Variants in PDLIM5 observed in about 807,000 individuals in gnomAD.
The protein encoded by PDLIM5 is PDZ and LIM domain 5.
Under a neutral mutation model 64.2 loss-of-function variants are expected in PDLIM5, and 34 were observed. The ratio of observed to expected loss-of-function variants is 0.53; its 90% CI spans 0.40 to 0.71. The LOEUF (loss-of-function observed/expected upper bound fraction) is 0.71, where lower values mean the gene tolerates loss of function less well. Ranked by LOEUF, PDLIM5 falls within the 30% of genes least tolerant of loss-of-function variation. The pLI is 0.00. For missense variants in PDLIM5, 683 were observed against 733.6 expected, an observed-to-expected ratio of 0.93 and a Z score of 0.80; for synonymous variants, 253 against 269.1, an observed-to-expected ratio of 0.94 and a Z score of 0.59.
intron 2 of PDLIM5, among the ~76,000 whole-genome samples, chr4:94,478,546 A>G (rs1374914536): frequency 6.6e-6 from 1 of 152,270 alleles, no homozygotes; most frequent in Non-Finnish European, 1.5e-5. Flanking sequence ...AAGGAAATCT[A>G]TATTCTACTT....
At chr4:94,547,804 G>A (rs770714672) in intron 3 of PDLIM5, among the ~76,000 whole-genome samples, 2 of 152,138 alleles carry the variant, frequency 1.3e-5, no homozygotes, top group Non-Finnish European at 2.9e-5. Context: ...TCTCATGTTG[G>A]TTGGTTGGTC....
At chr4:94,497,766 A>ATT (rs1190267680) in intron 2 of PDLIM5, among the ~76,000 whole-genome samples, 1 of 152,138 alleles carries the variant, frequency 6.6e-6, no homozygotes, top group Non-Finnish European at 1.5e-5. Flanking sequence ...TAGAATGTAT[A>ATT]TCTAATGGGC....
intron 3 of PDLIM5, among the ~76,000 whole-genome samples, chr4:94,568,231 T>G (rs189551040): frequency 1.3e-5 from 2 of 152,338 alleles, no homozygotes; most frequent in East Asian, 3.9e-4. Context: ...AAAGTTTTGT[T>G]GGAACACAAC....
At chr4:94,623,100 T>C (rs1487077046) in intron 8 of PDLIM5, among the ~76,000 whole-genome samples, 1 of 152,238 alleles carries the variant, frequency 6.6e-6, no homozygotes, top group African/African-American at 2.4e-5. Flanking sequence ...CCTTTATTCC[T>C]TTTCTTGATG....
chr4:94,660,369 A>C (rs1246821729), intron 11 of PDLIM5, among the ~76,000 whole-genome samples: 1 of 151,912 alleles, frequency 6.6e-6, no homozygotes, highest in Non-Finnish European at 1.5e-5. Flanking sequence ...GTTCTTTGTC[A>C]GTTTTTCTGC....
chr4:94,666,117 C>G lies in PDLIM5; in HGVS notation c.*2050C>G. 1 of 1,010,644 alleles carries G rather than the reference C, an allele frequency of 9.9e-7. No individual in the cohort carries two copies. Among genetic ancestry groups the G allele is most frequent in the East Asian group, 2.6e-5 (1 of 38,032 alleles). The allele number at this position is 1,010,644 out of a possible 1,614,324, so 62.6% of individuals were successfully genotyped here. A position where few individuals can be genotyped will look rare whatever the true frequency, so the allele number is the denominator to read the frequency against. On this transcript the variant is annotated 3_prime_UTR_variant, in exon 13 of 13. Coordinates refer to ENST00000317968, the MANE Select transcript of PDLIM5 (RefSeq NM_006457.5). The stretch of plus-strand genomic sequence containing the variant: ...GTCGAGACAGAGCCCTAGGTCCTTC[C>G]TGCCCCATCACTCACTTACGACATC...
intron 7 of PDLIM5, among the ~76,000 whole-genome samples, chr4:94,606,506 C>T (rs1423082362): frequency 1.3e-5 from 2 of 151,978 alleles, no homozygotes; most frequent in Admixed American, 6.6e-5. Context: ...AGAAGCAGGG[C>T]CTATTTCAAA....
chr4:94,629,483 C>G (rs570931989), intron 8 of PDLIM5, among the ~76,000 whole-genome samples: 3 of 152,216 alleles, frequency 2.0e-5, no homozygotes, highest in African/African-American at 7.2e-5. Flanking sequence ...ACTTGTATCT[C>G]TGACCAAATG....
intron 5 of PDLIM5, among the ~76,000 whole-genome samples, chr4:94,583,811 A>G (rs527576332): frequency 5.9e-5 from 9 of 152,222 alleles, no homozygotes; most frequent in Non-Finnish European, 1.2e-4. Context: ...TCTAGTAATC[A>G]TAAAAGAATA....
chr4:94,485,710 C>T (rs1306568528), intron 2 of PDLIM5, among the ~76,000 whole-genome samples: 4 of 151,034 alleles, frequency 2.6e-5, no homozygotes, highest in Non-Finnish European at 5.9e-5. Flanking sequence ...ACTAGCCGGG[C>T]GTGGTGGCAT....
intron 2 of PDLIM5, among the ~76,000 whole-genome samples, chr4:94,508,857 A>G (rs1281068584): frequency 6.6e-6 from 1 of 152,116 alleles, no homozygotes; most frequent in East Asian, 1.9e-4. Context: ...CTTGACTCTC[A>G]GTTTTCTTGT....
chr4:94,626,704 T>A (rs2110421897), intron 8 of PDLIM5, among the ~76,000 whole-genome samples: 1 of 152,200 alleles, frequency 6.6e-6, no homozygotes, highest in Non-Finnish European at 1.5e-5. Flanking sequence ...CCGCTTCTGG[T>A]GTGTGCTACA....
At chr4:94,542,724 C>A (rs558949990) in intron 3 of PDLIM5, among the ~76,000 whole-genome samples, 128 of 152,204 alleles carry the variant, frequency 8.4e-4, no homozygotes, top group African/African-American at 2.7e-3. Context: ...TCAGCTACTT[C>A]CAGTAATCTC....
rs142833533 is a variant in PDLIM5, at chr4:94,535,454, A to T, written c.248+11579A>T. ...AAAACTAAGTTCTATGCCTTGTCTCACAAATTTGTGTCTCCTGCTGCTGCA... is the reference window on the plus strand; with the variant it reads ...AAAACTAAGTTCTATGCCTTGTCTCTCAAATTTGTGTCTCCTGCTGCTGCA... On this transcript the variant is annotated intron_variant, in intron 3 of 12. Transcript: ENST00000317968. Among the ~76,000 whole-genome samples, 10 of 152,262 alleles carry T rather than the reference A, an allele frequency of 6.6e-5. 1 individual carries two copies. In the East Asian group the frequency reaches 1.9e-3, roughly 29 times the overall value.
At chr4:94,608,923 T>C (rs2110369395) in intron 7 of PDLIM5, among the ~76,000 whole-genome samples, 1 of 152,310 alleles carries the variant, frequency 6.6e-6, no homozygotes, top group East Asian at 1.9e-4. Context: ...TCATTAACAG[T>C]TGTTAAAACT....
At chr4:94,576,302 C>T (rs1000322034) in intron 5 of PDLIM5, among the ~76,000 whole-genome samples, 2 of 152,196 alleles carry the variant, frequency 1.3e-5, no homozygotes, top group Non-Finnish European at 1.5e-5. Context: ...CCCGACACAG[C>T]ATTGAGCAGC....
At chr4:94,649,603 G>C (rs537209178) in intron 9 of PDLIM5, among the ~76,000 whole-genome samples, 1 of 152,146 alleles carries the variant, frequency 6.6e-6, no homozygotes, top group South Asian at 2.1e-4. Flanking sequence ...TTTTGGCTTT[G>C]TTCCCTGCCA....
intron 7 of PDLIM5, chr4:94,610,321 A>T: frequency 6.8e-7 from 1 of 1,478,328 alleles, no homozygotes; most frequent in Non-Finnish European, 9.0e-7. Context: ...CTACACGTAC[A>T]GCGTCTGTCT....
At chr4:94,481,088 AT>A (rs1323682598) in intron 2 of PDLIM5, among the ~76,000 whole-genome samples, 1 of 152,082 alleles carries the variant, frequency 6.6e-6, no homozygotes. Context: ...ACAAAAATTT[AT>A]TTTCATTTGT....
Sources: gnomAD v4.1 joint callset for allele counts (sites outside exome capture counted in the v4.1 genomes callset) on GRCh38, gnomAD v4.1.1 for gene constraint, MANE v1.5 for transcripts, NCBI Gene and HGNC (gene_info 2026-07-23, HGNC 2026-07-21) for gene names.